DNAH9: variants seen among roughly 807,000 people sequenced by gnomAD.
DNAH9 encodes the protein dynein axonemal heavy chain 9.
DNAH9 carries 345 observed loss-of-function variants against 471.6 expected under a neutral mutation model. The observed-to-expected ratio is 0.73, with a 90% CI of 0.67 to 0.80. The LOEUF (loss-of-function observed/expected upper bound fraction) is 0.80, where lower values mean the gene tolerates loss of function less well. Ranked by LOEUF, DNAH9 falls within the 30% of genes least tolerant of loss-of-function variation. DNAH9 has a pLI of 0.00. For synonymous variants in DNAH9, 2,093 were observed against 2,123.6 expected (o/e 0.99, Z 0.40); for missense variants, 5,407 against 5,609.2 (o/e 0.96, Z 1.15).
intron 61 of DNAH9, among the ~76,000 whole-genome samples, chr17:11,918,115 T>TCGAAA: frequency 6.6e-6 from 1 of 152,356 alleles, no homozygotes; most frequent in East Asian, 1.9e-4. Context: ...CCATTCAGTG[T>TCGAAA]CTTTGCAGCC....
chr17:11,881,338 G>C lies in DNAH9; in HGVS notation c.10731G>C (p.Val3577=). 6.2e-7 allele frequency: 1 copy of C among 1,614,110 alleles called. No individual in the cohort carries two copies. The highest frequency in any genetic ancestry group is 8.5e-7 in the Non-Finnish European group (1 of 1,180,022). The change falls in exon 55 of 69, where the codon GTG becomes GTC. Residue 3577 remains valine (V), a synonymous_variant. Coordinates refer to ENST00000262442, the MANE Select transcript of DNAH9 (RefSeq NM_001372.4). ...QAQATLINFT[V]TRDGLEDQLL... Reference sequence around the variant, plus strand: ...AGGCCACCCTGATCAACTTCACCGTGACCAGGGATGGCCTGGAGGACCAGT... The same window carrying C: ...AGGCCACCCTGATCAACTTCACCGTCACCAGGGATGGCCTGGAGGACCAGT...
At chr17:11,614,168 C>T (rs572709844) in intron 4 of DNAH9, among the ~76,000 whole-genome samples, 11 of 152,202 alleles carry the variant, frequency 7.2e-5, no homozygotes, top group Non-Finnish European at 1.5e-4. Context: ...ATCTTCTAAG[C>T]TGGTGACTGA....
rs75842725 is a variant in DNAH9 at position 11,874,884 on chromosome 17, C to T, written c.10243-65C>T. 1.6e-3 allele frequency: 1,832 copies of T among 1,176,198 alleles called. 20 individuals are homozygous for T. The African/African-American group carries it at 0.025, about 16-fold the overall frequency. The allele number at this position is 1,176,198 out of a possible 1,614,324, so 72.9% of individuals were successfully genotyped here. ...AGTTGTGTCATTTGGTGAGTAACTG[C>T]ATTCATCCCAGCTGAGAATGTCTGC... On this transcript the variant is annotated intron_variant, in intron 52 of 68. Coordinates refer to ENST00000262442, the MANE Select transcript of DNAH9 (RefSeq NM_001372.4).
At chr17:11,834,452 A>C (rs1452757391) in intron 48 of DNAH9, among the ~76,000 whole-genome samples, 186 bp from the exon 49 acceptor site, 1 of 152,188 alleles carries the variant, frequency 6.6e-6, no homozygotes, top group Non-Finnish European at 1.5e-5. Context: ...CCTGGGAAAG[A>C]AACCCAGGTC....
intron 14 of DNAH9, among the ~76,000 whole-genome samples, chr17:11,658,819 C>T: frequency 6.6e-6 from 1 of 151,852 alleles, no homozygotes; most frequent in African/African-American, 2.4e-5. Flanking sequence ...AAATGTTAAA[C>T]CCAAATTTGC....
intron 49 of DNAH9, 23 bp downstream of exon 49, chr17:11,834,921 C>A (rs1025142213): frequency 6.2e-7 from 1 of 1,607,306 alleles, no homozygotes. Flanking sequence ...TCTGCCATAC[C>A]TGCTCATCCC....
chr17:11,845,715 G>C (rs909656432), intron 49 of DNAH9, among the ~76,000 whole-genome samples: 1 of 139,514 alleles, frequency 7.2e-6, no homozygotes, highest in Non-Finnish European at 1.6e-5. Context: ...GTGTGAGATG[G>C]TATCTCATTG....
At chr17:11,784,988 T>C (rs572476043) in intron 41 of DNAH9, among the ~76,000 whole-genome samples, 1 of 152,268 alleles carries the variant, frequency 6.6e-6, no homozygotes, top group African/African-American at 2.4e-5. Flanking sequence ...CACATTGTCA[T>C]ACTCCTAAGA....
chr17:11,816,662 T>G (rs554587824), intron 45 of DNAH9, among the ~76,000 whole-genome samples: 1 of 152,270 alleles, frequency 6.6e-6, no homozygotes, highest in Admixed American at 6.5e-5. Context: ...ATCACCAAAG[T>G]CCAACTAACT....
chr17:11,773,063 C>T (rs1422906108), intron 38 of DNAH9, among the ~76,000 whole-genome samples: 1 of 152,184 alleles, frequency 6.6e-6, no homozygotes, highest in African/African-American at 2.4e-5. Context: ...AGGTATCAAA[C>T]AGGAATTTGG....
chr17:11,599,774 T>G (rs976451998), intron 1 of DNAH9, among the ~76,000 whole-genome samples: 1 of 152,066 alleles, frequency 6.6e-6, no homozygotes, highest in African/African-American at 2.4e-5. Flanking sequence ...CCCTGCAGGT[T>G]GTGAAATAAG....
At chr17:11,701,041 C>A in intron 23 of DNAH9, 81 bp from the exon 24 acceptor site, 1 of 1,497,268 alleles carries the variant, frequency 6.7e-7, no homozygotes, top group Non-Finnish European at 9.2e-7. Flanking sequence ...CCTTCACTCC[C>A]TCAGACTGAG....
At chr17:11,835,624 A>G (rs951159646) in intron 49 of DNAH9, among the ~76,000 whole-genome samples, 1 of 152,224 alleles carries the variant, frequency 6.6e-6, no homozygotes, top group African/African-American at 2.4e-5. Context: ...GACTCAAGTC[A>G]TTATGAGTTG....
chr17:11,931,831 C>A (rs907098491), intron 63 of DNAH9, among the ~76,000 whole-genome samples, 183 bp from the exon 64 acceptor site: 3 of 152,174 alleles, frequency 2.0e-5, no homozygotes, highest in Admixed American at 2.0e-4. Flanking sequence ...AACCTTAATT[C>A]AATGCTCAGC....
chr17:11,689,201 T>C (rs2074290755), intron 19 of DNAH9, among the ~76,000 whole-genome samples: 1 of 152,148 alleles, frequency 6.6e-6, no homozygotes, highest in South Asian at 2.1e-4. Context: ...AGTGCTCTTT[T>C]GTGTCAAATG....
At chr17:11,843,646 T>G (rs959747315) in intron 49 of DNAH9, among the ~76,000 whole-genome samples, 1 of 151,416 alleles carries the variant, frequency 6.6e-6, no homozygotes, top group Non-Finnish European at 1.5e-5. Flanking sequence ...ATAACCTACA[T>G]GTTCAATAAT....
At chr17:11,766,841 G>T (rs1410036071) in intron 36 of DNAH9, among the ~76,000 whole-genome samples, 1 of 152,026 alleles carries the variant, frequency 6.6e-6, no homozygotes, top group Non-Finnish European at 1.5e-5. Flanking sequence ...ATGGTGGCGG[G>T]TGCCTGTAAT....
intron 30 of DNAH9, among the ~76,000 whole-genome samples, chr17:11,742,760 A>G (rs919180655): frequency 6.6e-6 from 1 of 152,202 alleles, no homozygotes; most frequent in Non-Finnish European, 1.5e-5. Context: ...ATTGCACCTT[A>G]GCAAAACATT....
At chr17:11,721,675 A>G (rs1319288307) in intron 27 of DNAH9, among the ~76,000 whole-genome samples, 1 of 152,118 alleles carries the variant, frequency 6.6e-6, no homozygotes, top group African/African-American at 2.4e-5. Flanking sequence ...TTTTAGGTAG[A>G]TAAATGATAG....
Sources: allele counts gnomAD v4.1 joint callset (sites outside exome capture counted in the v4.1 genomes callset), GRCh38; gene constraint gnomAD v4.1.1; transcripts MANE v1.5; gene names NCBI Gene and HGNC (gene_info 2026-07-23, HGNC 2026-07-21).